Variants in ELAC2 observed in about 807,000 individuals in gnomAD.
ELAC2 encodes the protein zinc phosphodiesterase ELAC protein 2.
Under a neutral mutation model 105.2 loss-of-function variants are expected in ELAC2, and 92 were observed. The observed-to-expected ratio is 0.87, with a 90% CI of 0.74 to 1.04. The LOEUF (loss-of-function observed/expected upper bound fraction) is 1.04. Among genes scored for constraint, ELAC2 ranks in the 50% least tolerant of loss-of-function variants. ELAC2 has a pLI of 0.00. For missense variants in ELAC2, 1,099 were observed against 1,071.7 expected, an observed-to-expected ratio of 1.03 and a Z score of -0.36; for synonymous variants, 468 against 409.1, an observed-to-expected ratio of 1.14 and a Z score of -1.74.
chr17:12,994,420 G>GC lies in ELAC2; in HGVS notation c.2108+4dup. The GC allele has an allele frequency of 6.2e-7, 1 of 1,614,192 alleles. No homozygotes were observed. Among genetic ancestry groups the GC allele is most frequent in the Non-Finnish European group, 8.5e-7 (1 of 1,180,038 alleles). On this transcript the variant is annotated splice_donor_region_variant and intron_variant, in intron 22 of 23. Coordinates refer to ENST00000338034, the MANE Select transcript of ELAC2 (RefSeq NM_018127.7). ...GGGCGACAAGGACTGACCGGCCTTT[G>GC]CTACCTGTGTGTCTTTTCCACTGCT...
chr17:13,005,910 C>A lies in ELAC2; in HGVS notation c.797+11G>T. On this transcript the variant is annotated intron_variant, in intron 9 of 23. Coordinates refer to ENST00000338034, the MANE Select transcript of ELAC2 (RefSeq NM_018127.7). ...CAGTGAGTCCCCAGAAGCCTTACCC[C>A]CCACACTCACACTGGGAGGCCCATC... 6.2e-7 allele frequency: 1 copy of A among 1,614,158 alleles called. No homozygotes were observed. Among genetic ancestry groups the A allele is most frequent in the South Asian group, 1.1e-5 (1 of 91,086 alleles).
At chr17:13,011,803 CA>C (rs2041430131) in intron 6 of ELAC2, 21 bp from the exon 7 acceptor site, 1 of 1,614,110 alleles carries the variant, frequency 6.2e-7, no homozygotes, top group Non-Finnish European at 8.5e-7. Flanking sequence ...CAGATACCAC[CA>C]AATTACACAC....
chr17:13,015,701 A>T, intron 4 of ELAC2, 67 bp downstream of exon 4: 1 of 1,429,460 alleles, frequency 7.0e-7, no homozygotes, highest in Non-Finnish European at 9.9e-7. Context: ...TGCAAAAAGG[A>T]AAATTCTTGT....
At position 12,992,724 on chromosome 17, in the gene ELAC2, T is replaced by C. The variant is rs2040244780; in HGVS notation, c.*94A>G. 7 of 1,479,924 alleles carry C rather than the reference T, an allele frequency of 4.7e-6. No individual in the cohort carries two copies. The highest frequency in any genetic ancestry group is 2.3e-5 in the South Asian group (2 of 86,546). 91.7% of individuals were successfully genotyped at this position (1,479,924 alleles called of 1,614,324 possible). On this transcript the variant is annotated 3_prime_UTR_variant, in exon 24 of 24. Coordinates refer to ENST00000338034, the MANE Select transcript of ELAC2 (RefSeq NM_018127.7). ...TCCTGAGCTGCCTCCTGGGGGACCG[T>C]GCTCTTCAGCTTCTACCAGCAAGGA...
chr17:13,006,231 G>A (rs1447545161), intron 8 of ELAC2: 8 of 452,884 alleles, frequency 1.8e-5, no homozygotes, highest in African/African-American at 4.0e-5. Context: ...TTGGCCAGGC[G>A]TGGTGGCACG....
chr17:13,002,867 A>C, intron 12 of ELAC2: 1 of 489,202 alleles, frequency 2.0e-6, no homozygotes, highest in Non-Finnish European at 3.7e-6. Flanking sequence ...CTGAGGAATG[A>C]AAGAGACAGC....
intron 8 of ELAC2, chr17:13,006,446 T>C: frequency 5.1e-6 from 1 of 195,028 alleles, no homozygotes; most frequent in Non-Finnish European, 1.1e-5. Flanking sequence ...TCAGAAGGTA[T>C]ACCATATTCT....
rs1262397362 is a variant in ELAC2, at chr17:13,002,535, G to A, written c.1124C>T (p.Ala375Val). ...GTGGCTGCGAAGGTTGTGAACTGAG[G>A]CACAGTTCTCATTCAGGACCAAGTG... ...TQHLVLNENC[A>V]SVHNLRSHKI... The change falls in exon 13 of 24, where the codon GCC becomes GTC. Residue 375 changes from alanine (A) to valine (V), a missense_variant. Ala to Val is a moderately conservative substitution (Grantham distance 64). Coordinates refer to ENST00000338034, the MANE Select transcript of ELAC2 (RefSeq NM_018127.7). 6.2e-7 allele frequency: 1 copy of A among 1,605,840 alleles called. No individual in the cohort carries two copies. The highest frequency in any genetic ancestry group is 1.3e-5 in the African/African-American group (1 of 74,800).
chr17:13,010,450 T>G (rs1050725415), intron 8 of ELAC2, among the ~76,000 whole-genome samples, 163 bp downstream of exon 8: 4 of 152,252 alleles, frequency 2.6e-5, no homozygotes, highest in Non-Finnish European at 2.9e-5. Context: ...ATTACAGGCG[T>G]GAGCCACTGC....
Position 12,994,978 on chromosome 17 carries a change from T to C in ELAC2, c.1893A>G (p.Thr631=), listed in dbSNP as rs17552022. Residue 631 remains threonine, a synonymous_variant, in exon 20 of 24, where the codon ACA becomes ACG. Coordinates refer to ENST00000338034, the MANE Select transcript of ELAC2 (RefSeq NM_018127.7). ...VERLISSLLR[T]CDLEEFQTCL... is the part of the protein sequence containing the mutation. Reference sequence around the variant, plus strand: ...TGCCCCTTACCTCTTCCAAATCACATGTTCGCAACAGCGAACTGATCAATC... The same window carrying C: ...TGCCCCTTACCTCTTCCAAATCACACGTTCGCAACAGCGAACTGATCAATC... 0.11 allele frequency: 182,203 copies of C among 1,614,118 alleles called. 11,559 individuals are homozygous for C. Among genetic ancestry groups the C allele is most frequent in the Middle Eastern group, 0.21 (1,243 of 6,062 alleles).
chr17:13,007,776 G>C (rs554906797), intron 8 of ELAC2, among the ~76,000 whole-genome samples: 16 of 152,184 alleles, frequency 1.1e-4, no homozygotes, highest in Non-Finnish European at 2.4e-4. Context: ...TACTCGGGAA[G>C]CTGATGCATG....
Position 13,013,235 on chromosome 17 carries a change from G to C in ELAC2, c.531C>G (p.Thr177=). 2 of 1,614,170 alleles carry C rather than the reference G, an allele frequency of 1.2e-6. No homozygotes were observed. Among genetic ancestry groups the C allele is most frequent in the Non-Finnish European group, 1.7e-6 (2 of 1,180,046 alleles). The change falls in exon 6 of 24, where the codon ACC becomes ACG. Residue 177 remains threonine, a synonymous_variant. Coordinates refer to ENST00000338034, the MANE Select transcript of ELAC2 (RefSeq NM_018127.7). The part of the protein sequence containing the change: ...PHSAPEYEDE[T]MTVYQIPIHS... ...GTATGGGGATCTGGTAAACTGTCAT[G>C]GTTTCATCCTCGTATTCTGGGGCAG...
In ELAC2 at chr17:13,011,652, T is replaced by C. The variant is rs937695443; in HGVS notation, c.679+11A>G. The C allele has an allele frequency of 6.2e-7, 1 of 1,614,236 alleles. No homozygotes were observed. Among genetic ancestry groups the C allele is most frequent in the Admixed American group, 1.7e-5 (1 of 60,024 alleles). On this transcript the variant is annotated intron_variant, in intron 7 of 23. Transcript: ENST00000338034. Reference sequence around the variant, plus strand: ...AGCCTTTCTGCTGCTCTGTTTTGTTTATACTATTACCATGTGGAAGGTGTG... The same window carrying C: ...AGCCTTTCTGCTGCTCTGTTTTGTTCATACTATTACCATGTGGAAGGTGTG...
chr17:13,002,827 T>C, intron 12 of ELAC2: 3 of 575,408 alleles, frequency 5.2e-6, no homozygotes, highest in Non-Finnish European at 9.3e-6. Context: ...AAAGAAGATG[T>C]CCAGGGCATA....
intron 17 of ELAC2, 151 bp downstream of exon 17, chr17:12,996,396 G>C (rs1202363563): frequency 9.0e-7 from 1 of 1,113,672 alleles, no homozygotes; most frequent in Non-Finnish European, 1.3e-6. Context: ...GGACTATGTT[G>C]AGTTTTGCAA....
chr17:12,998,377 T>C (rs752221648), intron 16 of ELAC2, 35 bp downstream of exon 16: 2 of 1,598,664 alleles, frequency 1.3e-6, no homozygotes, highest in Non-Finnish European at 1.7e-6. Context: ...AAACGTGCCC[T>C]TGATGGAAGG....
rs774573841 is a variant in ELAC2 at position 13,002,486 on chromosome 17, G to A, written c.1173C>T (p.Leu391=). ...GCAGGGGGAAGATGTCCGGGTGGAT[G>A]AGGTTGAGCTGGGTTTGAATCTTGT... ...RSHKIQTQLN[L]IHPDIFPLLT... Residue 391 remains leucine, a synonymous_variant, in exon 13 of 24, where the codon CTC becomes CTT. Coordinates refer to ENST00000338034, the MANE Select transcript of ELAC2 (RefSeq NM_018127.7). The A allele has an allele frequency of 2.5e-6, 4 of 1,608,426 alleles. No individual in the cohort carries two copies. Among genetic ancestry groups the A allele is most frequent in the Non-Finnish European group, 3.4e-6 (4 of 1,177,040 alleles).
intron 6 of ELAC2, among the ~76,000 whole-genome samples, chr17:13,012,825 T>A (rs566931087): frequency 6.6e-6 from 1 of 152,174 alleles, no homozygotes; most frequent in Non-Finnish European, 1.5e-5. Flanking sequence ...ACACTTCTTT[T>A]AGGTTGCTGT....
In ELAC2 at chr17:13,017,653, C is replaced by G. The variant is rs556387538; in HGVS notation, c.245+50G>C. The G allele has an allele frequency of 3.1e-5, 50 of 1,612,344 alleles. No individual in the cohort carries two copies. The African/African-American group carries it at 5.3e-4, about 17-fold the overall frequency. ...TGGGAGGTGCCCCGATGCTCAGAGG[C>G]TGCGCCGCACTGAGGGCCCAGCGGG... On this transcript the variant is annotated intron_variant, in intron 1 of 23. Coordinates refer to ENST00000338034, the MANE Select transcript of ELAC2 (RefSeq NM_018127.7).
Sources: allele counts gnomAD v4.1 joint callset (sites outside exome capture counted in the v4.1 genomes callset), GRCh38; gene constraint gnomAD v4.1.1; transcripts MANE v1.5; gene names NCBI Gene and HGNC (gene_info 2026-07-23, HGNC 2026-07-21).